Variants in RUNX2 observed in about 807,000 individuals in gnomAD.
RUNX2 encodes the protein RUNX family transcription factor 2, also known as runt-related transcription factor 2.
Under a neutral mutation model 51.7 loss-of-function variants are expected in RUNX2, and 10 were observed. The observed-to-expected ratio is 0.19, with a 90% CI of 0.12 to 0.33. The LOEUF is 0.33. Ranked by LOEUF, RUNX2 falls within the 10% of genes least tolerant of loss-of-function variation. The pLI, the probability that RUNX2 is intolerant of heterozygous loss-of-function variation, is 1.00. For missense variants in RUNX2, 562 were observed against 691.3 expected, an observed-to-expected ratio of 0.81 and a Z score of 2.10; for synonymous variants, 276 against 273.6, an observed-to-expected ratio of 1.01 and a Z score of -0.09.
intron 6 of RUNX2, among the ~76,000 whole-genome samples, chr6:45,507,906 G>A (rs1801021854): frequency 6.6e-6 from 1 of 152,146 alleles, no homozygotes; most frequent in Admixed American, 6.5e-5. Context: ...CATTTATCAG[G>A]TTCTTTCCAT....
chr6:45,433,966 A>T (rs1798613367), intron 4 of RUNX2, among the ~76,000 whole-genome samples: 1 of 152,186 alleles, frequency 6.6e-6, no homozygotes, highest in South Asian at 2.1e-4. Flanking sequence ...TTGGTGGAGG[A>T]TCTGAAATGC....
chr6:45,410,081 T>C (rs1797917224), intron 2 of RUNX2, among the ~76,000 whole-genome samples: 1 of 152,232 alleles, frequency 6.6e-6, no homozygotes, highest in African/African-American at 2.4e-5. Flanking sequence ...AACTCTATAC[T>C]CATAGTTCTG....
chr6:45,479,766 G>A (rs538368829), intron 5 of RUNX2, among the ~76,000 whole-genome samples: 3 of 152,228 alleles, frequency 2.0e-5, no homozygotes, highest in South Asian at 2.1e-4. Flanking sequence ...GTAATCGCTC[G>A]AAGGATGTTT....
At chr6:45,407,566 G>A (rs189684540) in intron 2 of RUNX2, among the ~76,000 whole-genome samples, 1 of 152,030 alleles carries the variant, frequency 6.6e-6, no homozygotes, top group African/African-American at 2.4e-5. Context: ...GTCATAGCTC[G>A]CTGCAACCTC....
intron 7 of RUNX2, among the ~76,000 whole-genome samples, chr6:45,532,324 A>G (rs992892326): frequency 3.3e-5 from 5 of 152,024 alleles, no homozygotes; most frequent in Admixed American, 2.0e-4. Flanking sequence ...GACTTGTCCA[A>G]TATGTAGCAG....
chr6:45,485,562 A>G (rs966147036), intron 5 of RUNX2, among the ~76,000 whole-genome samples: 4 of 151,694 alleles, frequency 2.6e-5, no homozygotes, highest in Non-Finnish European at 5.9e-5. Flanking sequence ...GAATTAATGT[A>G]TAGTAGTAAG....
chr6:45,342,680 T>C (rs1790044587), intron 2 of RUNX2, among the ~76,000 whole-genome samples: 1 of 152,154 alleles, frequency 6.6e-6, no homozygotes, highest in African/African-American at 2.4e-5. Context: ...TATTTGCCAA[T>C]ATTTTTCAAT....
At chr6:45,395,855 C>T (rs1276918102) in intron 2 of RUNX2, among the ~76,000 whole-genome samples, 2 of 152,030 alleles carry the variant, frequency 1.3e-5, no homozygotes, top group South Asian at 2.1e-4. Flanking sequence ...TTAGTAGAGA[C>T]GGATTTCACC....
At chr6:45,475,092 C>T (rs1799917317) in intron 5 of RUNX2, among the ~76,000 whole-genome samples, 1 of 149,334 alleles carries the variant, frequency 6.7e-6, no homozygotes, top group Non-Finnish European at 1.5e-5. Flanking sequence ...CCACTGCACT[C>T]CAGCCTGGGC....
At chr6:45,480,583 G>A (rs781036313) in intron 5 of RUNX2, among the ~76,000 whole-genome samples, 4 of 152,274 alleles carry the variant, frequency 2.6e-5, no homozygotes, top group African/African-American at 4.8e-5. Context: ...AGCTGAAAGC[G>A]TTCACTGGTT....
intron 2 of RUNX2, 43 bp downstream of exon 2, chr6:45,328,827 T>C (rs767685070): frequency 1.3e-6 from 2 of 1,585,054 alleles, no homozygotes; most frequent in Non-Finnish European, 1.7e-6. Context: ...TATGAACCTG[T>C]TAAACATAAA....
At chr6:45,350,913 C>T (rs966403808) in intron 2 of RUNX2, among the ~76,000 whole-genome samples, 12 of 152,132 alleles carry the variant, frequency 7.9e-5, no homozygotes, top group Admixed American at 7.2e-4. Flanking sequence ...ACAGCAAGAG[C>T]GAACACTACC....
rs781721459 is a variant in RUNX2, at chr6:45,546,939, C to T, written c.1200C>T (p.Tyr400=). ...PRMHYPATFT[Y]TPPVTSGMSL... is the part of the protein sequence containing the mutation. ...TGCACTATCCAGCCACCTTTACTTA[C>T]ACCCCGCCAGTCACCTCAGGCATGT... The change falls in exon 9 of 9, where the codon TAC becomes TAT. Residue 400 remains tyrosine (Y), a synonymous_variant. Coordinates refer to ENST00000647337, the MANE Select transcript of RUNX2 (RefSeq NM_001024630.4). 5.6e-6 allele frequency: 9 copies of T among 1,613,910 alleles called. No individual in the cohort carries two copies. Among genetic ancestry groups the T allele is most frequent in the Admixed American group, 5.0e-5 (3 of 59,986 alleles).
At chr6:45,456,538 G>A (rs1355187974) in intron 5 of RUNX2, among the ~76,000 whole-genome samples, 1 of 151,910 alleles carries the variant, frequency 6.6e-6, no homozygotes, top group East Asian at 1.9e-4. Flanking sequence ...TTTTATCTCT[G>A]TTCTGTTTTA....
At chr6:45,415,159 T>C (rs1200132357) in intron 2 of RUNX2, among the ~76,000 whole-genome samples, 1 of 152,158 alleles carries the variant, frequency 6.6e-6, no homozygotes, top group Admixed American at 6.5e-5. Flanking sequence ...AGCATATCAG[T>C]CTAAGTCCAA....
intron 6 of RUNX2, among the ~76,000 whole-genome samples, chr6:45,495,165 A>G (rs1342779312): frequency 6.6e-6 from 1 of 152,226 alleles, no homozygotes; most frequent in Non-Finnish European, 1.5e-5. Context: ...GATACTGTGT[A>G]TTCATCTTTT....
intron 3 of RUNX2, among the ~76,000 whole-genome samples, chr6:45,426,142 A>G (rs1798376242): frequency 6.6e-6 from 1 of 152,192 alleles, no homozygotes; most frequent in Non-Finnish European, 1.5e-5. Context: ...AAATTTATTT[A>G]TTTTTACATG....
At chr6:45,451,411 A>T (rs1032594112) in intron 5 of RUNX2, among the ~76,000 whole-genome samples, 1 of 152,246 alleles carries the variant, frequency 6.6e-6, no homozygotes, top group East Asian at 1.9e-4. Flanking sequence ...GCCTTGGCTT[A>T]TGTGGACAAT....
rs191466161 is a variant in RUNX2 at position 45,430,918 on chromosome 6, T to A, written c.424-945T>A. The stretch of plus-strand genomic sequence containing the variant: ...GATCTTGGCAATGGATTAGGAGGAG[T>A]GTTTCATATATGACAGTGAAGGATC... On this transcript the variant is annotated intron_variant, in intron 3 of 8. Coordinates refer to ENST00000647337, the MANE Select transcript of RUNX2 (RefSeq NM_001024630.4). 2.8e-3 allele frequency among the ~76,000 whole-genome samples: 421 copies of A among 151,994 alleles called. 3 individuals carry two copies. The highest frequency in any genetic ancestry group is 9.7e-3 in the African/African-American group (403 of 41,434).
Sources: allele counts gnomAD v4.1 joint callset (sites outside exome capture counted in the v4.1 genomes callset), GRCh38; gene constraint gnomAD v4.1.1; transcripts MANE v1.5; gene names NCBI Gene and HGNC (gene_info 2026-07-23, HGNC 2026-07-21).